Variants in GAPVD1 observed in about 807,000 individuals in gnomAD.
The protein encoded by GAPVD1 is GTPase-activating protein and VPS9 domain-containing protein 1.
Under a neutral mutation model 155.5 loss-of-function variants are expected in GAPVD1, and 35 were observed. The observed-to-expected ratio is 0.23, with a 90% CI of 0.17 to 0.30. The LOEUF (loss-of-function observed/expected upper bound fraction) is 0.30. Among genes scored for constraint, GAPVD1 ranks in the 10% least tolerant of loss-of-function variants. The pLI, the probability that GAPVD1 is intolerant of heterozygous loss-of-function variation, is 1.00. For synonymous variants in GAPVD1, 636 were observed against 619.7 expected (o/e 1.03, Z -0.39); for missense variants, 1,429 against 1,775.7 (o/e 0.80, Z 3.51).
At chr9:125,273,982 T>G (rs752648049) in intron 2 of GAPVD1, among the ~76,000 whole-genome samples, 10 of 151,442 alleles carry the variant, frequency 6.6e-5, no homozygotes, top group Non-Finnish European at 1.3e-4. Context: ...TTTATTTTTA[T>G]TTTTATTTAT....
At chr9:125,291,794 A>G (rs1838653068) in intron 2 of GAPVD1, among the ~76,000 whole-genome samples, 1 of 152,152 alleles carries the variant, frequency 6.6e-6, no homozygotes, top group Non-Finnish European at 1.5e-5. Context: ...GGAAAGCCAG[A>G]TTTTAGTTAA....
Position 125,296,358 on chromosome 9 carries a change from G to GTTTTTTTTTTTGTTT in GAPVD1, c.-33+795_-33+796insGTTTTTTTTTTTTTT, listed in dbSNP as rs747921764. On this transcript the variant is annotated intron_variant, in intron 3 of 27. Transcript: ENST00000297933. ...ACACCCGGCCACATATAGTTCTTAG[G>GTTTTTTTTTTTGTTT]TTTTTTTTTTTTTTTGAGATGGAGT... Among the ~76,000 whole-genome samples the GTTTTTTTTTTTGTTT allele has an allele frequency of 3.4e-4, 41 of 121,730 alleles. 1 individual carries two copies. The highest frequency in any genetic ancestry group is 7.4e-4 in the African/African-American group (21 of 28,206). 79.9% of individuals were successfully genotyped at this position (121,730 alleles called of 152,430 possible).
intron 15 of GAPVD1, among the ~76,000 whole-genome samples, chr9:125,334,624 G>A (rs1846606808): frequency 6.6e-6 from 1 of 152,138 alleles, no homozygotes; most frequent in African/African-American, 2.4e-5. Flanking sequence ...GTGTGGCCAG[G>A]TGCGTTGGCT....
At chr9:125,293,809 T>G (rs1358146408) in intron 2 of GAPVD1, among the ~76,000 whole-genome samples, 1 of 128,116 alleles carries the variant, frequency 7.8e-6, no homozygotes, top group African/African-American at 2.9e-5. Flanking sequence ...AATTTTTATA[T>G]TTATATATGA....
intron 17 of GAPVD1, among the ~76,000 whole-genome samples, chr9:125,338,863 A>G (rs957548881): frequency 6.6e-6 from 1 of 151,976 alleles, no homozygotes; most frequent in Admixed American, 6.6e-5. Context: ...TCTGTTCTCC[A>G]TCAAATTTTT....
Position 125,366,462 on chromosome 9 carries a change from G to A in GAPVD1, c.*3716G>A, listed in dbSNP as rs1225273113. ...ATAAAAGTGATAGAAGTGTAGTGGG[G>A]TTCACTTCCTCAATTGGTGCTTCCT... On this transcript the variant is annotated 3_prime_UTR_variant, in exon 28 of 28. Transcript: ENST00000297933. 1 of 152,144 alleles carries A rather than the reference G, an allele frequency of 6.6e-6. No homozygotes were observed. The highest frequency in any genetic ancestry group is 1.5e-5 in the Non-Finnish European group (1 of 68,046). 9.4% of individuals were successfully genotyped at this position (152,144 alleles called of 1,614,324 possible).
chr9:125,323,084 A>G (rs1405025345), intron 10 of GAPVD1, among the ~76,000 whole-genome samples: 1 of 150,802 alleles, frequency 6.6e-6, no homozygotes, highest in East Asian at 1.9e-4. Flanking sequence ...AAAAAGCTCT[A>G]TAACAAGCAA....
At chr9:125,323,111 A>G (rs1015264174) in intron 10 of GAPVD1, among the ~76,000 whole-genome samples, 4 of 150,152 alleles carry the variant, frequency 2.7e-5, no homozygotes, top group African/African-American at 9.8e-5. Context: ...ATTAATTATT[A>G]TTATTATTTT....
intron 17 of GAPVD1, among the ~76,000 whole-genome samples, chr9:125,338,965 A>T (rs200383802): frequency 0.017 from 2,335 of 141,128 alleles, 121 homozygotes; most frequent in East Asian, 0.16. Context: ...GTGTATATAT[A>T]TTTTTTGTTG....
Position 125,349,522 on chromosome 9 carries a change from A to G in GAPVD1, c.3299+3A>G, listed in dbSNP as rs1564454838. 1.2e-6 allele frequency: 2 copies of G among 1,613,512 alleles called. No individual in the cohort carries two copies. Among genetic ancestry groups the G allele is most frequent in the Non-Finnish European group, 1.7e-6 (2 of 1,179,546 alleles). Reference sequence around the variant, plus strand: ...CAGGATTCAGCTTTCTCTTACAGGTATTTCTTTTATAGGATTTGGGACTTT... The same window carrying G: ...CAGGATTCAGCTTTCTCTTACAGGTGTTTCTTTTATAGGATTTGGGACTTT... On this transcript the variant is annotated splice_donor_region_variant and intron_variant, in intron 21 of 27. Coordinates refer to ENST00000297933, the MANE Select transcript of GAPVD1 (RefSeq NM_001282680.3).
chr9:125,280,114 G>A (rs1215815621), intron 2 of GAPVD1, among the ~76,000 whole-genome samples: 3 of 150,200 alleles, frequency 2.0e-5, no homozygotes, highest in Non-Finnish European at 1.5e-5. Flanking sequence ...TAAATGAGAA[G>A]AGCCGGGCAC....
rs1013820617 is a variant in GAPVD1, at chr9:125,306,590, G to A, written c.1117-823G>A. On this transcript the variant is annotated intron_variant, in intron 6 of 27. Coordinates refer to ENST00000297933, the MANE Select transcript of GAPVD1 (RefSeq NM_001282680.3). ...TCACTGCAGCCTCGACCTCCCTGGC[G>A]CAAGCAGTCCTCCCACCTCAGCTTC... is the stretch of plus-strand genomic sequence containing the variant. 2.0e-5 allele frequency among the ~76,000 whole-genome samples: 3 copies of A among 151,858 alleles called. 1 individual carries two copies. Among genetic ancestry groups the A allele is most frequent in the South Asian group, 4.2e-4 (2 of 4,818 alleles).
chr9:125,275,207 C>T (rs1021076672), intron 2 of GAPVD1, among the ~76,000 whole-genome samples: 1 of 151,922 alleles, frequency 6.6e-6, no homozygotes, highest in Non-Finnish European at 1.5e-5. Flanking sequence ...TCCCAAGTAC[C>T]TTGGATTACA....
chr9:125,307,382 A>G (rs777291741), intron 6 of GAPVD1, 31 bp from the exon 7 acceptor site: 8 of 1,511,334 alleles, frequency 5.3e-6, no homozygotes, highest in Non-Finnish European at 7.1e-6. Context: ...TTAAAGGGAA[A>G]TGTTTCACTG....
intron 1 of GAPVD1, among the ~76,000 whole-genome samples, chr9:125,262,886 T>C (rs1171533813): frequency 1.3e-5 from 2 of 152,124 alleles, no homozygotes; most frequent in Middle Eastern, 3.2e-3. Context: ...GACTTTGTGA[T>C]CAATAAAAAT....
At chr9:125,267,845 A>G (rs964677212) in intron 1 of GAPVD1, among the ~76,000 whole-genome samples, 1 of 152,096 alleles carries the variant, frequency 6.6e-6, no homozygotes, top group African/African-American at 2.4e-5. Flanking sequence ...GTGAGCCACT[A>G]TGCCTAGCTG....
chr9:125,351,196 A>G (rs923576961), intron 23 of GAPVD1, among the ~76,000 whole-genome samples: 2 of 152,096 alleles, frequency 1.3e-5, no homozygotes, highest in African/African-American at 4.8e-5. Flanking sequence ...CCCTTTTTCA[A>G]AACCATCAGA....
At chr9:125,318,908 G>T (rs79363620) in intron 9 of GAPVD1, among the ~76,000 whole-genome samples, 5,377 of 152,144 alleles carry the variant, frequency 0.035, 266 homozygotes, top group East Asian at 0.26. Context: ...AGGCGCAGTG[G>T]CTCACACCTG....
intron 10 of GAPVD1, among the ~76,000 whole-genome samples, chr9:125,321,839 A>G (rs1385533552): frequency 6.6e-6 from 1 of 152,242 alleles, no homozygotes; most frequent in Non-Finnish European, 1.5e-5. Flanking sequence ...CAGTATTAAT[A>G]TATACCAAAG....
Sources: allele counts gnomAD v4.1 joint callset (sites outside exome capture counted in the v4.1 genomes callset), GRCh38; gene constraint gnomAD v4.1.1; transcripts MANE v1.5; gene names NCBI Gene and HGNC (gene_info 2026-07-23, HGNC 2026-07-21).